The following CTNND2 variants were observed in gnomAD, a reference collection of about 807,000 sequenced individuals.
CTNND2 encodes catenin delta 2.
CTNND2 carries 22 observed loss-of-function variants against 144.4 expected under a neutral mutation model. That is an observed-to-expected ratio of 0.15 (90% CI 0.11 to 0.22). CTNND2 has a LOEUF of 0.22. Ranked by LOEUF, CTNND2 falls within the 10% of genes least tolerant of loss-of-function variation. The pLI is 1.00. For missense variants in CTNND2, 1,353 were observed against 1,618.8 expected (o/e 0.84, Z 2.82); for synonymous variants, 751 against 695.6 (o/e 1.08, Z -1.25).
At chr5:11,853,027 C>T (rs908695266) in intron 1 of CTNND2, among the ~76,000 whole-genome samples, 4 of 152,120 alleles carry the variant, frequency 2.6e-5, no homozygotes, top group African/African-American at 7.2e-5. Context: ...ATTCAAACCT[C>T]GGGAGATTAA....
intron 1 of CTNND2, among the ~76,000 whole-genome samples, chr5:11,814,747 A>G (rs1284915871): frequency 6.6e-6 from 1 of 152,238 alleles, no homozygotes; most frequent in Admixed American, 6.5e-5. Flanking sequence ...AAAGATAAAG[A>G]AAGTGTTCTC....
chr5:11,573,964 G>A (rs552410287), intron 2 of CTNND2, among the ~76,000 whole-genome samples: 13 of 152,068 alleles, frequency 8.5e-5, no homozygotes, highest in Non-Finnish European at 1.6e-4. Context: ...AAGGCTACAT[G>A]TCTTGGTATT....
chr5:11,210,532 G>T (rs1257054530), intron 10 of CTNND2, among the ~76,000 whole-genome samples: 1 of 152,148 alleles, frequency 6.6e-6, no homozygotes, highest in Non-Finnish European at 1.5e-5. Context: ...CTACTTTTTA[G>T]GTGAATGGTT....
chr5:11,896,297 T>C (rs1351488953), intron 1 of CTNND2, among the ~76,000 whole-genome samples: 1 of 152,170 alleles, frequency 6.6e-6, no homozygotes, highest in Non-Finnish European at 1.5e-5. Context: ...TGAGCAATGT[T>C]TTCTAAATTT....
intron 9 of CTNND2, among the ~76,000 whole-genome samples, chr5:11,315,832 G>A (rs1448326459): frequency 1.3e-5 from 2 of 152,082 alleles, no homozygotes; most frequent in Non-Finnish European, 2.9e-5. Context: ...GCTTGATAAA[G>A]AGTTTGACTT....
chr5:11,199,682 A>G, intron 10 of CTNND2, 21 bp from the exon 11 acceptor site: 2 of 1,590,428 alleles, frequency 1.3e-6, no homozygotes, highest in Non-Finnish European at 8.6e-7. Context: ...AAAGGACACC[A>G]CTTTTGCTTT....
At chr5:11,459,986 T>G (rs937666481) in intron 3 of CTNND2, among the ~76,000 whole-genome samples, 3 of 152,204 alleles carry the variant, frequency 2.0e-5, no homozygotes, top group African/African-American at 7.2e-5. Context: ...AATTCATACT[T>G]AGAATTTTGA....
At chr5:11,462,215 G>C (rs1358426888) in intron 3 of CTNND2, among the ~76,000 whole-genome samples, 1 of 152,126 alleles carries the variant, frequency 6.6e-6, no homozygotes. Flanking sequence ...CAAGAGCAAA[G>C]ACTGAGGATC....
chr5:11,459,193 T>C (rs1561425248), intron 3 of CTNND2, among the ~76,000 whole-genome samples: 1 of 152,216 alleles, frequency 6.6e-6, no homozygotes, highest in Non-Finnish European at 1.5e-5. Context: ...GTTATTATTG[T>C]TGTTATATTA....
intron 2 of CTNND2, among the ~76,000 whole-genome samples, chr5:11,618,143 G>A (rs530005298): frequency 5.0e-4 from 75 of 150,380 alleles, no homozygotes; most frequent in African/African-American, 1.2e-3. Flanking sequence ...GTGTCATGAT[G>A]TCCATTTCAT....
intron 16 of CTNND2, among the ~76,000 whole-genome samples, chr5:11,030,573 TA>T (rs1472272654): frequency 1.3e-5 from 2 of 152,120 alleles, no homozygotes; most frequent in Admixed American, 1.3e-4. Flanking sequence ...TTTTCAGCTC[TA>T]AATTTTTTGG....
At chr5:11,015,833 A>G (rs1439515825) in intron 18 of CTNND2, among the ~76,000 whole-genome samples, 4 of 152,174 alleles carry the variant, frequency 2.6e-5, no homozygotes, top group Non-Finnish European at 5.9e-5. Flanking sequence ...CTGGCTGCCT[A>G]TTTAGCTGAA....
At chr5:11,252,030 A>T (rs1390452067) in intron 9 of CTNND2, among the ~76,000 whole-genome samples, 1 of 152,214 alleles carries the variant, frequency 6.6e-6, no homozygotes, top group Non-Finnish European at 1.5e-5. Flanking sequence ...GTACAGTAGA[A>T]TGAGATCTTG....
rs1480074158 is a variant in CTNND2 at position 11,545,585 on chromosome 5, C to T, written c.287+19359G>A. Among the ~76,000 whole-genome samples the T allele has an allele frequency of 1.4e-5, 2 of 142,982 alleles. 1 individual carries two copies. Among genetic ancestry groups the T allele is most frequent in the South Asian group, 4.5e-4 (2 of 4,486 alleles). 93.8% of individuals were successfully genotyped at this position (142,982 alleles called of 152,430 possible). A position where few individuals can be genotyped will look rare whatever the true frequency, so the allele number is the denominator to read the frequency against. ...ACTGAAGGCAGGAGAATTGCTTGAA[C>T]CCAGGAGGCAAAGGATACAGTGAGC... is the stretch of plus-strand genomic sequence containing the variant. On this transcript the variant is annotated intron_variant, in intron 3 of 21. Transcript: ENST00000304623.
intron 2 of CTNND2, among the ~76,000 whole-genome samples, chr5:11,621,389 T>C (rs1780830662): frequency 1.3e-5 from 2 of 152,152 alleles, no homozygotes; most frequent in Non-Finnish European, 2.9e-5. Flanking sequence ...TCCAGTAGCA[T>C]CTTTGCTGAT....
intron 7 of CTNND2, among the ~76,000 whole-genome samples, chr5:11,381,629 A>G (rs1758486076): frequency 1.3e-5 from 2 of 152,234 alleles, no homozygotes; most frequent in Non-Finnish European, 2.9e-5. Context: ...TACCTTCTGT[A>G]TAAGTACTGT....
chr5:11,517,161 A>C (rs534882889), intron 3 of CTNND2, among the ~76,000 whole-genome samples: 12 of 152,248 alleles, frequency 7.9e-5, no homozygotes, highest in African/African-American at 2.7e-4. Flanking sequence ...CTAAATACCA[A>C]GCACAAAATA....
At chr5:11,841,356 C>T (rs1210112648) in intron 1 of CTNND2, among the ~76,000 whole-genome samples, 1 of 152,114 alleles carries the variant, frequency 6.6e-6, no homozygotes, top group African/African-American at 2.4e-5. Context: ...CCATCACCCC[C>T]ACCCCTACCC....
intron 16 of CTNND2, among the ~76,000 whole-genome samples, chr5:11,058,538 C>G (rs1746578250): frequency 6.6e-6 from 1 of 152,310 alleles, no homozygotes; most frequent in East Asian, 1.9e-4. Context: ...GATGTCCAGG[C>G]AGAAGGGACA....
Sources: gnomAD v4.1 joint callset for allele counts (sites outside exome capture counted in the v4.1 genomes callset) on GRCh38, gnomAD v4.1.1 for gene constraint, MANE v1.5 for transcripts, NCBI Gene and HGNC (gene_info 2026-07-23, HGNC 2026-07-21) for gene names.